DENND4A: variants seen among roughly 807,000 people sequenced by gnomAD.
DENND4A encodes C-myc promoter-binding protein.
Under a neutral mutation model 199.3 loss-of-function variants are expected in DENND4A, and 70 were observed. The observed-to-expected ratio is 0.35, with a 90% CI of 0.29 to 0.43. The LOEUF (loss-of-function observed/expected upper bound fraction) is 0.43, where lower values mean the gene tolerates loss of function less well. Ranked by LOEUF, DENND4A falls within the 20% of genes least tolerant of loss-of-function variation. DENND4A has a pLI of 1.00. For missense variants in DENND4A, 1,723 were observed against 2,255.8 expected (o/e 0.76, Z 4.78); for synonymous variants, 686 against 766.9 (o/e 0.89, Z 1.74).
intron 1 of DENND4A, among the ~76,000 whole-genome samples, chr15:65,787,315 A>G (rs1337569277): frequency 6.6e-6 from 1 of 152,236 alleles, no homozygotes; most frequent in Non-Finnish European, 1.5e-5. Flanking sequence ...ACAGATCAAG[A>G]GAGACAGGTT....
intron 4 of DENND4A, 64 bp from the exon 5 acceptor site, chr15:65,741,848 T>C: frequency 7.4e-7 from 1 of 1,351,136 alleles, no homozygotes; most frequent in East Asian, 2.3e-5. Context: ...TAAAATGGAA[T>C]CTCTTTGAGC....
chr15:65,754,803 G>T (rs939638809), intron 3 of DENND4A, among the ~76,000 whole-genome samples: 2 of 152,220 alleles, frequency 1.3e-5, no homozygotes, highest in Non-Finnish European at 2.9e-5. Flanking sequence ...CTCATGTACC[G>T]CAAGTGGGAA....
In DENND4A at chr15:65,661,823, A is replaced by G; in HGVS notation, c.*28T>C. ...TTTATACACTGACTATACAATATAC[A>G]TTGAATGTTTACACATACAAATACA... On this transcript the variant is annotated 3_prime_UTR_variant, in exon 33 of 33. Coordinates refer to ENST00000443035, the MANE Select transcript of DENND4A (RefSeq NM_001320835.1). The G allele has an allele frequency of 6.4e-7, 1 of 1,569,614 alleles. No individual in the cohort carries two copies. Among genetic ancestry groups the G allele is most frequent in the Non-Finnish European group, 8.7e-7 (1 of 1,152,546 alleles).
intron 7 of DENND4A, among the ~76,000 whole-genome samples, chr15:65,736,906 A>C (rs1228548978): frequency 6.6e-6 from 1 of 152,180 alleles, no homozygotes; most frequent in Admixed American, 6.5e-5. Flanking sequence ...GTTTTGGAAA[A>C]GTTATTTTTC....
chr15:65,676,065 G>A (rs543069134), intron 24 of DENND4A, among the ~76,000 whole-genome samples: 4 of 149,836 alleles, frequency 2.7e-5, no homozygotes, highest in Non-Finnish European at 5.9e-5. Flanking sequence ...AGTATATTAA[G>A]TGAAAAAATC....
chr15:65,767,230 G>A (rs1170669043), intron 1 of DENND4A: 1 of 152,202 alleles, frequency 6.6e-6, no homozygotes, highest in East Asian at 1.9e-4. Context: ...TAGAGATATT[G>A]TTTCAAGTAC....
intron 9 of DENND4A, among the ~76,000 whole-genome samples, chr15:65,730,262 T>A (rs1215348197): frequency 6.6e-6 from 1 of 152,146 alleles, no homozygotes; most frequent in Admixed American, 6.5e-5. Context: ...AACTTAGGCC[T>A]TCTATATAGT....
At chr15:65,729,482 ATAAACTAAGTT>A in intron 10 of DENND4A, 41 bp downstream of exon 10, 2 of 1,544,538 alleles carry the variant, frequency 1.3e-6, no homozygotes, top group Non-Finnish European at 1.7e-6. Flanking sequence ...AGTTATATAA[ATAAACTAAGTT>A]TAAACTAAAT....
intron 4 of DENND4A, among the ~76,000 whole-genome samples, chr15:65,746,258 T>C (rs1301466617): frequency 6.6e-6 from 1 of 151,632 alleles, no homozygotes; most frequent in African/African-American, 2.4e-5. Context: ...CCAATAAGTA[T>C]CCACATTGTG....
chr15:65,700,942 C>T, intron 19 of DENND4A, 109 bp downstream of exon 19: 1 of 1,290,612 alleles, frequency 7.7e-7, no homozygotes. Flanking sequence ...CTTAATAAAA[C>T]TAAAAACTAA....
intron 1 of DENND4A, among the ~76,000 whole-genome samples, chr15:65,789,509 T>C (rs2077658217): frequency 1.4e-5 from 2 of 142,378 alleles, no homozygotes; most frequent in South Asian, 4.4e-4. Flanking sequence ...GGTATTAGAT[T>C]AAAAAAAAAA....
intron 3 of DENND4A, 78 bp downstream of exon 3, chr15:65,756,062 G>C (rs968312586): frequency 2.4e-6 from 3 of 1,266,962 alleles, no homozygotes; most frequent in African/African-American, 3.0e-5. Context: ...TTAATGACCA[G>C]AATGAACAGT....
intron 11 of DENND4A, among the ~76,000 whole-genome samples, chr15:65,727,025 G>A (rs1293150882): frequency 6.6e-6 from 1 of 151,974 alleles, no homozygotes; most frequent in Non-Finnish European, 1.5e-5. Flanking sequence ...ACTTAAAAAT[G>A]GAGAAAAACT....
Position 65,670,190 on chromosome 15 carries a change from T to C in DENND4A, c.4465-2A>G. 6.6e-7 allele frequency: 1 copy of C among 1,508,144 alleles called. No homozygotes were observed. Among genetic ancestry groups the C allele is most frequent in the Non-Finnish European group, 8.9e-7 (1 of 1,125,502 alleles). 93.4% of individuals were successfully genotyped at this position (1,508,144 alleles called of 1,614,324 possible). On this transcript the variant is annotated splice_acceptor_variant, in intron 25 of 32. Transcript: ENST00000443035. LOFTEE classifies it high-confidence loss of function. Reference sequence around the variant, plus strand: ...CCGAGAGCAACTTGAGATGAGAACCTGTGGGAGAAGATAGCACTTTATAAA... The same window carrying C: ...CCGAGAGCAACTTGAGATGAGAACCCGTGGGAGAAGATAGCACTTTATAAA...
At chr15:65,774,421 T>G (rs1015124737) in intron 1 of DENND4A, among the ~76,000 whole-genome samples, 9 of 152,008 alleles carry the variant, frequency 5.9e-5, no homozygotes, top group South Asian at 4.1e-4. Context: ...ACCCAGGAGG[T>G]GGAGGTTGCG....
intron 1 of DENND4A, among the ~76,000 whole-genome samples, chr15:65,768,254 T>G (rs557852955): frequency 6.6e-6 from 1 of 152,166 alleles, no homozygotes; most frequent in Admixed American, 6.5e-5. Context: ...TGGGCTCAAG[T>G]GATCTGCCCG....
intron 5 of DENND4A, among the ~76,000 whole-genome samples, chr15:65,740,781 GA>G (rs1005663036): frequency 3.3e-5 from 5 of 151,714 alleles, no homozygotes; most frequent in Middle Eastern, 3.2e-3. Context: ...GGCAACCTAA[GA>G]AAGACCCTGT....
intron 23 of DENND4A, among the ~76,000 whole-genome samples, chr15:65,677,705 T>G (rs2076429583): frequency 6.6e-6 from 1 of 152,192 alleles, no homozygotes; most frequent in Admixed American, 6.5e-5. Flanking sequence ...AGTGGATACC[T>G]AAGTGTACCA....
rs373698973 is a variant in DENND4A at position 65,729,265 on chromosome 15, T to C, written c.1312-18A>G. On this transcript the variant is annotated intron_variant, in intron 10 of 32. Coordinates refer to ENST00000443035, the MANE Select transcript of DENND4A (RefSeq NM_001320835.1). ...AAAATCATCTTGGATAAACAAAAGA[T>C]AGGAGAGAATTTAGCTTTTTAACAC... 7 of 1,558,712 alleles carry C rather than the reference T, an allele frequency of 4.5e-6. No homozygotes were observed. Among genetic ancestry groups the C allele is most frequent in the African/African-American group, 2.7e-5 (2 of 73,434 alleles).
Sources: allele counts gnomAD v4.1 joint callset (sites outside exome capture counted in the v4.1 genomes callset), GRCh38; gene constraint gnomAD v4.1.1; transcripts MANE v1.5; gene names NCBI Gene and HGNC (gene_info 2026-07-23, HGNC 2026-07-21).